Variants in CTNNA1 observed in about 807,000 individuals in gnomAD.
CTNNA1 encodes the protein catenin alpha 1.
Under a neutral mutation model 98.4 loss-of-function variants are expected in CTNNA1, and 37 were observed. The observed-to-expected ratio is 0.38, with a 90% CI of 0.29 to 0.49. The LOEUF (loss-of-function observed/expected upper bound fraction) is 0.49. Among genes scored for constraint, CTNNA1 ranks in the 20% least tolerant of loss-of-function variants. The pLI, the probability that CTNNA1 is intolerant of heterozygous loss-of-function variation, is 0.95. For synonymous variants in CTNNA1, 404 were observed against 413.2 expected, an observed-to-expected ratio of 0.98 and a Z score of 0.27; for missense variants, 761 against 1,147.2, an observed-to-expected ratio of 0.66 and a Z score of 4.86.
At chr5:138,854,377 A>G (rs1224715472) in intron 7 of CTNNA1, among the ~76,000 whole-genome samples, 2 of 152,238 alleles carry the variant, frequency 1.3e-5, no homozygotes, top group African/African-American at 4.8e-5. Context: ...TTCTCTTTGA[A>G]ATAAATAGGG....
At chr5:138,860,134 T>A (rs1265104771) in intron 7 of CTNNA1, among the ~76,000 whole-genome samples, 1 of 152,210 alleles carries the variant, frequency 6.6e-6, no homozygotes, top group Non-Finnish European at 1.5e-5. Context: ...AAATAATTGA[T>A]GAATAAATCA....
At chr5:138,775,331 C>G (rs184430285) in intron 1 of CTNNA1, among the ~76,000 whole-genome samples, 1 of 152,322 alleles carries the variant, frequency 6.6e-6, no homozygotes, top group East Asian at 1.9e-4. Flanking sequence ...CTAAGGTTCA[C>G]TGACTTGGGT....
chr5:138,782,216 G>A (rs1483267272), intron 2 of CTNNA1, 187 bp downstream of exon 2: 4 of 644,918 alleles, frequency 6.2e-6, no homozygotes, highest in East Asian at 3.0e-5. Context: ...TGCTGCTGTC[G>A]TTTTCTTCAG....
intron 1 of CTNNA1, among the ~76,000 whole-genome samples, chr5:138,769,400 A>AT (rs914828479): frequency 6.6e-6 from 1 of 151,186 alleles, no homozygotes; most frequent in Non-Finnish European, 1.5e-5. Flanking sequence ...TATTATTATT[A>AT]TTTTTTGAGA....
chr5:138,873,352 T>C lies in CTNNA1; in HGVS notation c.1063-12860T>C. ...GAAAGTGTTCCTCGGTAGTAACTGC[T>C]ATGCCTGCAGTAGTTGGGATTTCTT... On this transcript the variant is annotated intron_variant, in intron 7 of 17. Transcript: ENST00000302763. This position sits in a 1 kb window ranked among gnomAD's most constrained non-coding sequence, Gnocchi z 6.1. 6.2e-7 allele frequency: 1 copy of C among 1,613,854 alleles called. No individual in the cohort carries two copies. The highest frequency in any genetic ancestry group is 2.2e-5 in the East Asian group (1 of 44,894).
Position 138,934,336 on chromosome 5 carries a change from C to G in CTNNA1, c.*247C>G. ...TTAAATAAAAATAAAAATTCATAACCAAAGAGAATCCCACATTAGCTTGTT... is the reference window on the plus strand; with the variant it reads ...TTAAATAAAAATAAAAATTCATAACGAAAGAGAATCCCACATTAGCTTGTT... On this transcript the variant is annotated 3_prime_UTR_variant, in exon 18 of 18. Transcript: ENST00000302763. The G allele has an allele frequency of 4.1e-6, 2 of 484,692 alleles. No individual in the cohort carries two copies. Among genetic ancestry groups the G allele is most frequent in the Non-Finnish European group, 7.3e-6 (2 of 273,894 alleles). 30.0% of individuals were successfully genotyped at this position (484,692 alleles called of 1,614,324 possible). A position where few individuals can be genotyped will look rare whatever the true frequency, so the allele number is the denominator to read the frequency against.
chr5:138,847,483 T>C (rs1398445608), intron 7 of CTNNA1, among the ~76,000 whole-genome samples: 2 of 152,216 alleles, frequency 1.3e-5, no homozygotes, highest in Non-Finnish European at 2.9e-5. Flanking sequence ...TTAGTCAAAG[T>C]ATTAGTTGAA....
At chr5:138,898,569 T>A (rs1242665144) in intron 9 of CTNNA1, among the ~76,000 whole-genome samples, 1 of 150,322 alleles carries the variant, frequency 6.7e-6, no homozygotes, top group Non-Finnish European at 1.5e-5. Flanking sequence ...ACCACTGCAC[T>A]CCAGCCTGTG....
At chr5:138,855,249 G>T (rs1193201712) in intron 7 of CTNNA1, among the ~76,000 whole-genome samples, 2 of 152,194 alleles carry the variant, frequency 1.3e-5, no homozygotes, top group Non-Finnish European at 2.9e-5. Context: ...ATATTGGCCA[G>T]GCTGGTCTCG....
intron 10 of CTNNA1, among the ~76,000 whole-genome samples, chr5:138,914,272 A>G (rs1464011720): frequency 3.3e-5 from 5 of 152,234 alleles, no homozygotes; most frequent in African/African-American, 7.2e-5. Context: ...TCACTAGCCA[A>G]ATATTCTTAC....
intron 1 of CTNNA1, chr5:138,753,858 C>T (rs1341375538): frequency 5.9e-6 from 1 of 170,802 alleles, no homozygotes; most frequent in Non-Finnish European, 1.2e-5. Flanking sequence ...GGTTTCCAAA[C>T]TTTGTTACCG....
chr5:138,753,498 C>T lies in CTNNA1; in HGVS notation c.-15C>T. The T allele has an allele frequency of 2.6e-6, 1 of 379,172 alleles. No homozygotes were observed. The highest frequency in any genetic ancestry group is 3.8e-5 in the East Asian group (1 of 26,638). The allele number at this position is 379,172 out of a possible 1,614,324, so 23.5% of individuals were successfully genotyped here. A position where few individuals can be genotyped will look rare whatever the true frequency, so the allele number is the denominator to read the frequency against. ...GGGCCTCTGGAATTTAGCGCTCGCC[C>T]AGCTAGCCGCAGGTAACTTCGTACC... On this transcript the variant is annotated 5_prime_UTR_variant, in exon 1 of 18. Transcript: ENST00000302763.
intron 1 of CTNNA1, among the ~76,000 whole-genome samples, chr5:138,756,414 G>C (rs1004349199): frequency 6.6e-6 from 1 of 151,942 alleles, no homozygotes; most frequent in Admixed American, 6.6e-5. Context: ...TGATCCACTC[G>C]CCTCAGCCTC....
At chr5:138,901,950 G>A (rs998598427) in intron 9 of CTNNA1, among the ~76,000 whole-genome samples, 1 of 152,192 alleles carries the variant, frequency 6.6e-6, no homozygotes. Context: ...CCTGGGGGGT[G>A]AATTGAAGCT....
intron 7 of CTNNA1, chr5:138,880,787 C>G (rs1458888247): frequency 3.2e-6 from 1 of 311,826 alleles, no homozygotes; most frequent in Non-Finnish European, 6.4e-6. Context: ...AGTGGACTCT[C>G]TGACCCAGTT....
intron 1 of CTNNA1, among the ~76,000 whole-genome samples, chr5:138,778,820 C>T (rs1158181829): frequency 1.3e-5 from 2 of 152,180 alleles, no homozygotes; most frequent in Non-Finnish European, 2.9e-5. Flanking sequence ...TATCTAATCT[C>T]CACTAAAGCT....
chr5:138,860,053 AGATT>A (rs1764116812), intron 7 of CTNNA1, among the ~76,000 whole-genome samples: 2 of 152,144 alleles, frequency 1.3e-5, no homozygotes, highest in African/African-American at 4.8e-5. Flanking sequence ...GTGTGTTTAA[AGATT>A]GATATAAAAT....
chr5:138,899,502 G>A (rs969148207), intron 9 of CTNNA1, among the ~76,000 whole-genome samples: 2 of 152,214 alleles, frequency 1.3e-5, no homozygotes, highest in African/African-American at 4.8e-5. Context: ...CTTAGACTGA[G>A]AAATACCCTC....
chr5:138,754,420 T>G (rs1288970634), intron 1 of CTNNA1: 2 of 152,148 alleles, frequency 1.3e-5, no homozygotes, highest in East Asian at 3.9e-4. Context: ...TCCTCTTGCA[T>G]CTTGGTGACA....
Sources: allele counts gnomAD v4.1 joint callset (sites outside exome capture counted in the v4.1 genomes callset), GRCh38; gene constraint gnomAD v4.1.1; non-coding constraint Gnocchi (gnomAD v3.1); transcripts MANE v1.5; gene names NCBI Gene and HGNC (gene_info 2026-07-23, HGNC 2026-07-21).